STON2: variants seen among roughly 807,000 people sequenced by gnomAD.
STON2 encodes the protein stonin 2.
In STON2, 29 loss-of-function variants were observed where a neutral mutation model predicts 65.7. The ratio of observed to expected loss-of-function variants is 0.44; its 90% CI spans 0.33 to 0.60. The LOEUF (loss-of-function observed/expected upper bound fraction) is 0.60, where lower values mean the gene tolerates loss of function less well. STON2 is among the 20% of genes least tolerant of loss of function. The pLI, the probability that STON2 is intolerant of heterozygous loss-of-function variation, is 0.03. For missense variants in STON2, 1,054 were observed against 1,118.1 expected, an observed-to-expected ratio of 0.94 and a Z score of 0.82; for synonymous variants, 404 against 414.2, an observed-to-expected ratio of 0.98 and a Z score of 0.30.
chr14:81,371,573 T>C (rs1289737309), intron 3 of STON2, among the ~76,000 whole-genome samples: 1 of 150,256 alleles, frequency 6.7e-6, no homozygotes, highest in African/African-American at 2.5e-5. Context: ...CTGGAGCCCG[T>C]AGTCCCAGCT....
Position 81,267,117 on chromosome 14 carries a change from C to T in STON2, c.*1297G>A, listed in dbSNP as rs1477882636. ...CCAATGAAGTGTGCTTTCTGTCCCC[C>T]GACTTGTATTCTTCATGGGAGAAAA... On this transcript the variant is annotated 3_prime_UTR_variant, in exon 8 of 8. Coordinates refer to ENST00000614646, the MANE Select transcript of STON2 (RefSeq NM_001394390.1). 1.0e-5 allele frequency: 10 copies of T among 985,108 alleles called. No homozygotes were observed. The highest frequency in any genetic ancestry group is 3.5e-5 in the African/African-American group (2 of 57,180). The allele number at this position is 985,108 out of a possible 1,614,324, so 61.0% of individuals were successfully genotyped here. A position where few individuals can be genotyped will look rare whatever the true frequency, so the allele number is the denominator to read the frequency against.
chr14:81,367,697 T>A (rs1000563501), intron 4 of STON2, among the ~76,000 whole-genome samples: 10 of 152,156 alleles, frequency 6.6e-5, no homozygotes, highest in African/African-American at 2.4e-4. Context: ...TCAGGATGCA[T>A]CCAGACACTG....
chr14:81,381,379 G>A (rs1480579509), intron 3 of STON2, among the ~76,000 whole-genome samples: 1 of 151,996 alleles, frequency 6.6e-6, no homozygotes, highest in Non-Finnish European at 1.5e-5. Context: ...TTTGCCAAAA[G>A]ACATAAGGAG....
intron 5 of STON2, among the ~76,000 whole-genome samples, chr14:81,280,990 G>A (rs1419002275): frequency 7.7e-5 from 11 of 143,204 alleles, no homozygotes; most frequent in African/African-American, 2.7e-4. Flanking sequence ...CAGTCTGAGC[G>A]ATAGAGCGAA....
chr14:81,388,742 A>G (rs1215702996), intron 3 of STON2, among the ~76,000 whole-genome samples: 1 of 152,194 alleles, frequency 6.6e-6, no homozygotes, highest in Non-Finnish European at 1.5e-5. Context: ...TTCATCTGCC[A>G]GAAAAACTTC....
intron 7 of STON2, chr14:81,269,800 C>T: frequency 1.0e-6 from 1 of 985,354 alleles, no homozygotes. Flanking sequence ...ATTTCTAACT[C>T]CCCAGGAAAG....
chr14:81,363,636 A>C (rs936237717), intron 4 of STON2, among the ~76,000 whole-genome samples: 1 of 152,052 alleles, frequency 6.6e-6, no homozygotes, highest in African/African-American at 2.4e-5. Flanking sequence ...CAAAAAAAAA[A>C]CTGCTCTGCT....
chr14:81,322,940 A>C (rs1896873525), intron 5 of STON2, among the ~76,000 whole-genome samples: 1 of 152,232 alleles, frequency 6.6e-6, no homozygotes, highest in Non-Finnish European at 1.5e-5. Context: ...GCATAGGTCA[A>C]ACCTTCACAG....
At chr14:81,342,871 G>C (rs1051254203) in intron 4 of STON2, among the ~76,000 whole-genome samples, 3 of 152,128 alleles carry the variant, frequency 2.0e-5, no homozygotes, top group Admixed American at 6.5e-5. Flanking sequence ...TTTGACAGAG[G>C]AAAAAGAGTG....
At chr14:81,280,960 G>A (rs1486993927) in intron 5 of STON2, among the ~76,000 whole-genome samples, 3 of 150,000 alleles carry the variant, frequency 2.0e-5, no homozygotes, top group Non-Finnish European at 2.9e-5. Flanking sequence ...GCAGTGAGCC[G>A]AGATGGCGCT....
chr14:81,295,525 G>A (rs1389898310), intron 5 of STON2, among the ~76,000 whole-genome samples: 2 of 152,164 alleles, frequency 1.3e-5, no homozygotes, highest in African/African-American at 4.8e-5. Context: ...TTCTGAGAAA[G>A]GAAATTAAAT....
chr14:81,360,537 G>T (rs1265856471), intron 4 of STON2, among the ~76,000 whole-genome samples: 1 of 152,004 alleles, frequency 6.6e-6, no homozygotes, highest in East Asian at 1.9e-4. Context: ...CACAGTAAAG[G>T]CCATATGTGA....
At chr14:81,427,228 T>C (rs756234041) in intron 1 of STON2, 1 of 152,212 alleles carries the variant, frequency 6.6e-6, no homozygotes, top group Non-Finnish European at 1.5e-5. Flanking sequence ...AGTAGAAACA[T>C]ACATGCATAA....
intron 1 of STON2, among the ~76,000 whole-genome samples, chr14:81,429,585 G>A (rs1902140176): frequency 6.6e-6 from 1 of 152,164 alleles, no homozygotes; most frequent in African/African-American, 2.4e-5. Context: ...CAGTGCTTTT[G>A]ATAATTTAGG....
At chr14:81,333,453 T>C in intron 4 of STON2, 1 of 301,920 alleles carries the variant, frequency 3.3e-6, no homozygotes, top group East Asian at 6.9e-5. Flanking sequence ...CCCTATGAAA[T>C]CGTTACTGTT....
chr14:81,339,694 C>T (rs80227511), intron 4 of STON2, among the ~76,000 whole-genome samples: 1,985 of 152,202 alleles, frequency 0.013, 41 homozygotes, highest in African/African-American at 0.045. Context: ...GACTGTAAGG[C>T]AAAGTATCAA....
chr14:81,422,692 GCATGGGCTT>G (rs1566953650), intron 2 of STON2, among the ~76,000 whole-genome samples: 1 of 152,182 alleles, frequency 6.6e-6, no homozygotes, highest in East Asian at 1.9e-4. Context: ...TCTTTCTGCA[GCATGGGCTT>G]CAGTAAGTGC....
At chr14:81,329,217 A>C (rs1897112916) in intron 4 of STON2, among the ~76,000 whole-genome samples, 1 of 152,090 alleles carries the variant, frequency 6.6e-6, no homozygotes, top group African/African-American at 2.4e-5. Flanking sequence ...GCACTTTGGG[A>C]GGCCGAGGCG....
In STON2 at chr14:81,270,907, T is replaced by C. The variant is rs142239298; in HGVS notation, c.2582-35A>G. ...AAAGACAATCGAGAGATCAGATTAT[T>C]TGGGGAGAAAGTGGAAGGAGCAGCC... On this transcript the variant is annotated intron_variant, in intron 6 of 7. Transcript: ENST00000614646. The C allele has an allele frequency of 2.1e-3, 3,400 of 1,600,280 alleles. 45 individuals carry two copies. In the African/African-American group the frequency reaches 0.038, roughly 18 times the overall value.
Sources: allele counts gnomAD v4.1 joint callset (sites outside exome capture counted in the v4.1 genomes callset), GRCh38; gene constraint gnomAD v4.1.1; transcripts MANE v1.5; gene names NCBI Gene and HGNC (gene_info 2026-07-23, HGNC 2026-07-21).